The following HMGCS1 variants were observed in gnomAD, a reference collection of about 807,000 sequenced individuals.
The protein encoded by HMGCS1 is 3-hydroxy-3-methylglutaryl-CoA synthase 1.
HMGCS1 carries 9 observed loss-of-function variants against 52.3 expected under a neutral mutation model. The ratio of observed to expected loss-of-function variants is 0.17; its 90% CI spans 0.10 to 0.30. The LOEUF is 0.30. HMGCS1 is among the 10% of genes least tolerant of loss of function. HMGCS1 has a pLI of 1.00. For missense variants in HMGCS1, 320 were observed against 620.9 expected, an observed-to-expected ratio of 0.52 and a Z score of 5.15; for synonymous variants, 176 against 214.4, an observed-to-expected ratio of 0.82 and a Z score of 1.57.
At chr5:43,304,594 A>G (rs991743159) in intron 2 of HMGCS1, among the ~76,000 whole-genome samples, 1 of 152,226 alleles carries the variant, frequency 6.6e-6, no homozygotes, top group Non-Finnish European at 1.5e-5. Flanking sequence ...AATTCTTTGT[A>G]TTATAGTACT....
rs1458793985 is a variant in HMGCS1 at position 43,299,015 on chromosome 5, A to G, written c.-10-40T>C. 4.1e-6 allele frequency: 6 copies of G among 1,456,848 alleles called. No homozygotes were observed. In the African/African-American group the frequency reaches 4.3e-5, roughly 10 times the overall value. 90.2% of individuals were successfully genotyped at this position (1,456,848 alleles called of 1,614,324 possible). A position where few individuals can be genotyped will look rare whatever the true frequency, so the allele number is the denominator to read the frequency against. On this transcript the variant is annotated intron_variant, in intron 2 of 10. Coordinates refer to ENST00000325110, the MANE Select transcript of HMGCS1 (RefSeq NM_001098272.3). ...AACAGAAAAAAAATTGTTTTAGGTT[A>G]TAAGTTGCTGGTTTTCAACTTTGAA...
chr5:43,289,797 T>A lies in HMGCS1; in HGVS notation c.*1334A>T, dbSNP rs1753656758. The A allele has an allele frequency of 6.6e-6, 1 of 152,604 alleles. No homozygotes were observed. The highest frequency in any genetic ancestry group is 2.4e-5 in the African/African-American group (1 of 41,442). 9.5% of individuals were successfully genotyped at this position (152,604 alleles called of 1,614,324 possible). On this transcript the variant is annotated 3_prime_UTR_variant, in exon 11 of 11. Transcript: ENST00000325110. Reference sequence around the variant, plus strand: ...ATTATATTTCATATTTGTGTATATTTATTTTAGATAACTGAAACTTCACAG... The same window carrying A: ...ATTATATTTCATATTTGTGTATATTAATTTTAGATAACTGAAACTTCACAG...
intron 1 of HMGCS1, among the ~76,000 whole-genome samples, chr5:43,310,489 C>T (rs979104423): frequency 3.9e-5 from 6 of 152,038 alleles, no homozygotes; most frequent in Admixed American, 3.3e-4. Context: ...TTTTGAAATC[C>T]CTTTGAGACC....
chr5:43,297,210 T>G, intron 4 of HMGCS1, 44 bp from the exon 5 acceptor site: 3 of 1,509,636 alleles, frequency 2.0e-6, no homozygotes, highest in Non-Finnish European at 2.7e-6. Context: ...TTCTGCTTCT[T>G]GATGTCTGTA....
intron 2 of HMGCS1, among the ~76,000 whole-genome samples, chr5:43,301,771 G>A (rs139989305): frequency 2.6e-5 from 4 of 152,268 alleles, no homozygotes; most frequent in Admixed American, 1.3e-4. Context: ...CATGTGGAGC[G>A]AAGAGGAACA....
chr5:43,294,362 T>C (rs1180731427), intron 7 of HMGCS1, 200 bp from the exon 8 acceptor site: 9 of 526,674 alleles, frequency 1.7e-5, no homozygotes, highest in Non-Finnish European at 3.0e-5. Context: ...TGAGTTTTCA[T>C]CTTGTGGGGA....
At chr5:43,297,486 A>G (rs188124337) in intron 4 of HMGCS1, among the ~76,000 whole-genome samples, 29 of 152,328 alleles carry the variant, frequency 1.9e-4, no homozygotes, top group African/African-American at 7.0e-4. Context: ...TTTGAACCCT[A>G]CATTAACCCA....
At chr5:43,299,695 AT>A (rs1754215382) in intron 2 of HMGCS1, among the ~76,000 whole-genome samples, 2 of 151,832 alleles carry the variant, frequency 1.3e-5, no homozygotes, top group Admixed American at 6.6e-5. Context: ...CAATCAATCA[AT>A]CAATCATGTA....
intron 5 of HMGCS1, among the ~76,000 whole-genome samples, chr5:43,296,198 G>A (rs1467005826): frequency 6.6e-6 from 1 of 151,906 alleles, no homozygotes; most frequent in East Asian, 1.9e-4. Context: ...TTAAATAAAA[G>A]AGTATTTTAA....
At chr5:43,297,842 AAAAAAAAAAAAG>A (rs1754108413) in intron 4 of HMGCS1, among the ~76,000 whole-genome samples, 155 bp downstream of exon 4, 2 of 151,630 alleles carry the variant, frequency 1.3e-5, no homozygotes, top group Admixed American at 6.6e-5. Flanking sequence ...CGGTCTCAAA[AAAAAAAAAAAAG>A]AAAAAAAAAC....
At chr5:43,305,276 G>A (rs530251350) in intron 2 of HMGCS1, among the ~76,000 whole-genome samples, 10 of 151,574 alleles carry the variant, frequency 6.6e-5, no homozygotes, top group African/African-American at 1.9e-4. Flanking sequence ...GTGAGCCACC[G>A]TGCCCAGCAA....
chr5:43,312,482 T>A (rs1561130511), intron 1 of HMGCS1, among the ~76,000 whole-genome samples: 5 of 152,208 alleles, frequency 3.3e-5, no homozygotes, highest in Non-Finnish European at 5.9e-5. Flanking sequence ...AATAATCGTT[T>A]CTCTACCACT....
At chr5:43,295,622 C>T in intron 6 of HMGCS1, 130 bp downstream of exon 6, 2 of 648,442 alleles carry the variant, frequency 3.1e-6, no homozygotes, top group Non-Finnish European at 5.3e-6. Flanking sequence ...GACTGAGACA[C>T]ACAGATTAGA....
chr5:43,291,126 G>T lies in HMGCS1; in HGVS notation c.*5C>A. 1.5e-6 allele frequency: 2 copies of T among 1,315,064 alleles called. No individual in the cohort carries two copies. The highest frequency in any genetic ancestry group is 2.1e-6 in the Non-Finnish European group (2 of 940,178). 81.5% of individuals were successfully genotyped at this position (1,315,064 alleles called of 1,614,324 possible). A position where few individuals can be genotyped will look rare whatever the true frequency, so the allele number is the denominator to read the frequency against. On this transcript the variant is annotated 3_prime_UTR_variant, in exon 11 of 11. Coordinates refer to ENST00000325110, the MANE Select transcript of HMGCS1 (RefSeq NM_001098272.3). ...ACCCTGAAGTCTTGCACCTCACAGA[G>T]TATCTTAATGTTCCCCATTACTAAT...
In HMGCS1 at chr5:43,290,893, T is replaced by C; in HGVS notation, c.*238A>G. ...GAGGTATGAAGTTTTACAGAGCCCT[T>C]AACATCATTCGAGTACATTTGGCAT... On this transcript the variant is annotated 3_prime_UTR_variant, in exon 11 of 11. Coordinates refer to ENST00000325110, the MANE Select transcript of HMGCS1 (RefSeq NM_001098272.3). 4 of 455,288 alleles carry C rather than the reference T, an allele frequency of 8.8e-6. No individual in the cohort carries two copies. In the South Asian group the frequency reaches 1.8e-4, roughly 21 times the overall value. The allele number at this position is 455,288 out of a possible 1,614,324, so 28.2% of individuals were successfully genotyped here. A position where few individuals can be genotyped will look rare whatever the true frequency, so the allele number is the denominator to read the frequency against.
chr5:43,298,648 A>C lies in HMGCS1; in HGVS notation c.318T>G (p.Thr106=), dbSNP rs746107770. The change falls in exon 3 of 11, where the codon ACT becomes ACG. Residue 106 remains threonine, a synonymous_variant. Coordinates refer to ENST00000325110, the MANE Select transcript of HMGCS1 (RefSeq NM_001098272.3). This position sits in a 1 kb window ranked among gnomAD's most constrained non-coding sequence, Gnocchi z 5.6. Reference sequence around the variant, plus strand: ...ACTCTTCAAACAGCTGCATCAAATTAGTCTTCACAGACTTTGATTTGTCGA... The same window carrying C: ...ACTCTTCAAACAGCTGCATCAAATTCGTCTTCACAGACTTTGATTTGTCGA... The part of the protein sequence containing the change: ...TIIDKSKSVK[T]NLMQLFEESG... 6.2e-7 allele frequency: 1 copy of C among 1,614,198 alleles called. No homozygotes were observed. Among genetic ancestry groups the C allele is most frequent in the Non-Finnish European group, 8.5e-7 (1 of 1,180,028 alleles).
At chr5:43,304,396 A>ATATACCTTCAATAT (rs988735366) in intron 2 of HMGCS1, among the ~76,000 whole-genome samples, 2 of 152,262 alleles carry the variant, frequency 1.3e-5, no homozygotes, top group African/African-American at 4.8e-5. Context: ...TGAAGGTATA[A>ATATACCTTCAATAT]ACCAGTTTGC....
Position 43,292,911 on chromosome 5 carries a change from T to G in HMGCS1, c.1246A>C (p.Thr416Pro). The G allele has an allele frequency of 6.2e-7, 1 of 1,610,416 alleles. No homozygotes were observed. The highest frequency in any genetic ancestry group is 8.5e-7 in the Non-Finnish European group (1 of 1,178,626). The change falls in exon 9 of 11, where the codon ACT becomes CCT. Residue 416 changes from threonine to proline, a missense_variant. This residue lies in a region of HMGCS1 where 213 missense variants were observed against 337.4 expected (regional missense o/e 0.63). Coordinates refer to ENST00000325110, the MANE Select transcript of HMGCS1 (RefSeq NM_001098272.3). ...GCGAAGACATCTGGTGCCACACCAGTTCTTGAATCAAGCCTTGATTTAAGA... is the reference window on the plus strand; with the variant it reads ...GCGAAGACATCTGGTGCCACACCAGGTCTTGAATCAAGCCTTGATTTAAGA... ...CDLKSRLDSRTGVAPDVFAEN... is the reference protein window; with the variant it reads ...CDLKSRLDSRPGVAPDVFAEN...
intron 8 of HMGCS1, chr5:43,293,715 ATTTTTT>A: frequency 6.8e-6 from 1 of 146,824 alleles, no homozygotes; most frequent in Non-Finnish European, 1.5e-5. Context: ...TTCTCAATAC[ATTTTTT>A]TTTTTTTTTT....
Sources: gnomAD v4.1 joint callset for allele counts (sites outside exome capture counted in the v4.1 genomes callset) on GRCh38, gnomAD v4.1.1 for gene constraint, gnomAD v4.1.1 regional missense constraint, Gnocchi (gnomAD v3.1) non-coding constraint, MANE v1.5 for transcripts, NCBI Gene and HGNC (gene_info 2026-07-23, HGNC 2026-07-21) for gene names.